ST3GAL2: variants seen among roughly 807,000 people sequenced by gnomAD.
ST3GAL2 encodes CMP-N-acetylneuraminate-beta-galactosamide-alpha-2,3-sialyltransferase 2.
Under a neutral mutation model 37.5 loss-of-function variants are expected in ST3GAL2, and 16 were observed. The ratio of observed to expected loss-of-function variants is 0.43; its 90% CI spans 0.29 to 0.65. The LOEUF (loss-of-function observed/expected upper bound fraction) is 0.65. Ranked by LOEUF, ST3GAL2 falls within the 30% of genes least tolerant of loss-of-function variation. ST3GAL2 has a pLI of 0.17. For missense variants in ST3GAL2, 383 were observed against 487.8 expected, an observed-to-expected ratio of 0.79 and a Z score of 2.02; for synonymous variants, 238 against 202.9, an observed-to-expected ratio of 1.17 and a Z score of -1.47.
At chr16:70,424,153 A>AT (rs952052591) in intron 1 of ST3GAL2, among the ~76,000 whole-genome samples, 122 of 141,942 alleles carry the variant, frequency 8.6e-4, no homozygotes, top group Middle Eastern at 7.4e-3. Flanking sequence ...CGCCCAGCTA[A>AT]TTTTTTTTTT....
intron 1 of ST3GAL2, among the ~76,000 whole-genome samples, chr16:70,424,349 C>T (rs1348846213): frequency 6.7e-6 from 1 of 149,864 alleles, no homozygotes; most frequent in East Asian, 2.1e-4. Flanking sequence ...TGCCTATAAT[C>T]CCAGCACTTT....
chr16:70,389,592 G>A (rs1214023176), intron 3 of ST3GAL2, among the ~76,000 whole-genome samples: 1 of 152,092 alleles, frequency 6.6e-6, no homozygotes, highest in Non-Finnish European at 1.5e-5. Flanking sequence ...AGCCTCCCAA[G>A]TAGCTGGGAT....
chr16:70,403,945 T>C (rs1292015472), intron 1 of ST3GAL2, among the ~76,000 whole-genome samples: 1 of 151,800 alleles, frequency 6.6e-6, no homozygotes, highest in Non-Finnish European at 1.5e-5. Context: ...CAGTGAGCCG[T>C]GATCATGCCA....
intron 1 of ST3GAL2, among the ~76,000 whole-genome samples, chr16:70,428,026 A>G (rs1036347596): frequency 6.6e-6 from 1 of 152,178 alleles, no homozygotes; most frequent in Admixed American, 6.5e-5. Flanking sequence ...TAAAGGCGGA[A>G]CTCCCCAAAG....
rs141516586 is a variant in ST3GAL2 at position 70,395,100 on chromosome 16, T to C, written c.415A>G (p.Asn139Asp). 19 of 1,613,776 alleles carry C rather than the reference T, an allele frequency of 1.2e-5. No homozygotes were observed. Among genetic ancestry groups the C allele is most frequent in the Non-Finnish European group, 1.6e-5 (19 of 1,179,934 alleles). Residue 139 changes from asparagine (N) to aspartate (D), a missense_variant, in exon 3 of 7, where the codon AAC becomes GAC. By Grantham distance (23) the Asn-to-Asp change is conservative (BLOSUM62 1). Transcript: ENST00000342907. Reference protein sequence around the residue: ...EKLFQIVPGENPYRFRDPHQC... With the variant: ...EKLFQIVPGEDPYRFRDPHQC... ...TGGGGGTCCCGGAAGCGGTAGGGGT[T>C]CTCGCCAGGCACTATCTGGAACAGC...
intron 1 of ST3GAL2, among the ~76,000 whole-genome samples, chr16:70,403,657 C>T (rs1405101812): frequency 3.3e-5 from 5 of 152,252 alleles, no homozygotes; most frequent in South Asian, 2.1e-4. Context: ...ACTAAAAATA[C>T]AAAATATTAG....
intron 1 of ST3GAL2, among the ~76,000 whole-genome samples, chr16:70,436,051 G>C (rs1038450501): frequency 2.0e-5 from 3 of 151,948 alleles, no homozygotes; most frequent in Non-Finnish European, 4.4e-5. Flanking sequence ...GCCTGAACCT[G>C]GGAGGCGGAG....
At chr16:70,387,682 G>C (rs1171761641) in intron 4 of ST3GAL2, among the ~76,000 whole-genome samples, 1 of 152,118 alleles carries the variant, frequency 6.6e-6, no homozygotes, top group Admixed American at 6.5e-5. Flanking sequence ...ATCATATCTT[G>C]ATAAAGCTGT....
At chr16:70,402,118 G>A (rs1306832451) in intron 1 of ST3GAL2, among the ~76,000 whole-genome samples, 3 of 151,258 alleles carry the variant, frequency 2.0e-5, no homozygotes, top group Non-Finnish European at 2.9e-5. Flanking sequence ...TGACCAACGT[G>A]AAGAAACCCC....
intron 6 of ST3GAL2, 107 bp from the exon 7 acceptor site, chr16:70,381,969 T>TG (rs2047409283): frequency 6.9e-7 from 1 of 1,441,196 alleles, no homozygotes; most frequent in Non-Finnish European, 9.5e-7. Context: ...CCCGGGGAGA[T>TG]GCAGGAGCCC....
At chr16:70,437,107 G>A (rs1372969784) in intron 1 of ST3GAL2, among the ~76,000 whole-genome samples, 2 of 152,146 alleles carry the variant, frequency 1.3e-5, no homozygotes, top group Non-Finnish European at 2.9e-5. Flanking sequence ...CAGAAGCTTG[G>A]CTTTATCTGG....
In ST3GAL2 at chr16:70,382,918, T is replaced by C; in HGVS notation, c.766A>G (p.Ile256Val). The C allele has an allele frequency of 6.2e-7, 1 of 1,613,492 alleles. No individual in the cohort carries two copies. Among genetic ancestry groups the C allele is most frequent in the Non-Finnish European group, 8.5e-7 (1 of 1,179,704 alleles). Reference protein sequence around the residue: ...FLRVDKEKVQIYNPAFFKYIH... With the variant: ...FLRVDKEKVQVYNPAFFKYIH... The stretch of plus-strand genomic sequence containing the variant: ...TACTTGAAGAAGGCTGGGTTGTAGA[T>C]CTGGACCTGGGAGGAGAAGGGATGA... The change falls in exon 6 of 7, where the codon ATC becomes GTC. Residue 256 changes from isoleucine (I) to valine (V), a missense_variant. By Grantham distance (29) the Ile-to-Val change is conservative. Coordinates refer to ENST00000342907, the MANE Select transcript of ST3GAL2 (RefSeq NM_006927.4).
intron 3 of ST3GAL2, among the ~76,000 whole-genome samples, chr16:70,391,001 G>A (rs1479102417): frequency 2.0e-5 from 3 of 152,168 alleles, no homozygotes; most frequent in Non-Finnish European, 2.9e-5. Context: ...AGCAGGGAGC[G>A]CAGTCTCTAG....
chr16:70,383,258 A>G (rs1440357271), intron 4 of ST3GAL2, 23 bp from the exon 5 acceptor site: 3 of 1,595,726 alleles, frequency 1.9e-6, no homozygotes, highest in East Asian at 2.3e-5. Context: ...AGAAAGAAAG[A>G]TAACATTTCA....
intron 1 of ST3GAL2, among the ~76,000 whole-genome samples, chr16:70,419,637 G>A (rs997402434): frequency 6.6e-6 from 1 of 152,216 alleles, no homozygotes; most frequent in Non-Finnish European, 1.5e-5. Context: ...GAGGCCCTGG[G>A]TGCAGCAGCC....
Position 70,376,152 on chromosome 16 carries a change from G to C in ST3GAL2, c.*5537C>G, listed in dbSNP as rs2047344286. ...CGAAGGGGCAGCGTCTCTTCCCTCT[G>C]TGGTCCCCTTTACCCATTCCATGAC... On this transcript the variant is annotated 3_prime_UTR_variant, in exon 7 of 7. Transcript: ENST00000342907. 6.6e-6 allele frequency: 1 copy of C among 152,230 alleles called. No homozygotes were observed. The allele number at this position is 152,230 out of a possible 1,614,324, so 9.4% of individuals were successfully genotyped here.
At chr16:70,417,427 G>C (rs2047683603) in intron 1 of ST3GAL2, among the ~76,000 whole-genome samples, 1 of 151,976 alleles carries the variant, frequency 6.6e-6, no homozygotes, top group Admixed American at 6.6e-5. Context: ...CTTGCCCCTA[G>C]ACCCAGCAGA....
chr16:70,381,538 G>GTT lies in ST3GAL2; in HGVS notation c.*150_*151insAA. 1.1e-6 allele frequency: 1 copy of GTT among 919,870 alleles called. No individual in the cohort carries two copies. The highest frequency in any genetic ancestry group is 1.6e-6 in the Non-Finnish European group (1 of 629,516). 57.0% of individuals were successfully genotyped at this position (919,870 alleles called of 1,614,324 possible). On this transcript the variant is annotated 3_prime_UTR_variant, in exon 7 of 7. Transcript: ENST00000342907. ...CCGACCGCAGCGCAGATTGGTGCCA[G>GTT]GCCCGGCCGGTCCCCCAGTCTCGTG...
chr16:70,393,262 G>A (rs982184068), intron 3 of ST3GAL2, among the ~76,000 whole-genome samples: 1 of 152,004 alleles, frequency 6.6e-6, no homozygotes, highest in Non-Finnish European at 1.5e-5. Flanking sequence ...ATTTTTAGTA[G>A]AGACAGGGTT....
Sources: gnomAD v4.1 joint callset for allele counts (sites outside exome capture counted in the v4.1 genomes callset) on GRCh38, gnomAD v4.1.1 for gene constraint, MANE v1.5 for transcripts, NCBI Gene and HGNC (gene_info 2026-07-23, HGNC 2026-07-21) for gene names.